The following EXO1 variants were observed in gnomAD, a reference collection of about 807,000 sequenced individuals.
EXO1 encodes the protein exonuclease 1.
EXO1 carries 69 observed loss-of-function variants against 84.5 expected under a neutral mutation model. That is an observed-to-expected ratio of 0.82 (90% CI 0.67 to 1.00). EXO1 has a LOEUF of 1.00. EXO1 is among the 50% of genes least tolerant of loss of function. EXO1 has a pLI of 0.00. For synonymous variants in EXO1, 373 were observed against 366.1 expected (o/e 1.02, Z -0.21); for missense variants, 1,045 against 1,000.7 (o/e 1.04, Z -0.60).
chr1:241,879,242 G>T lies in EXO1; in HGVS notation c.2008G>T (p.Glu670Ter). 1 of 1,599,254 alleles carries T rather than the reference G, an allele frequency of 6.3e-7. No homozygotes were observed. Among genetic ancestry groups the T allele is most frequent in the Non-Finnish European group, 8.5e-7 (1 of 1,173,032 alleles). ...CGATGAGTCTCATCCCTTACGAGAA[G>T]AGGCATGTTCTTCACAGTCCCAGGA... Reference protein sequence around the residue: ...SDDESHPLREEACSSQSQESG... With the variant: ...SDDESHPLRE Residue 670 changes from glutamate to a stop codon, truncating the protein, a stop_gained, in exon 13 of 16, where the codon GAG becomes TAG. Coordinates refer to ENST00000366548, the MANE Select transcript of EXO1 (RefSeq NM_130398.4). LOFTEE classifies it high-confidence loss of function.
chr1:241,885,889 T>C (rs987286353), intron 15 of EXO1, among the ~76,000 whole-genome samples: 1 of 149,258 alleles, frequency 6.7e-6, no homozygotes, highest in Non-Finnish European at 1.5e-5. Context: ...GTTTTGCTCT[T>C]GTTACCCAGG....
chr1:241,873,840 G>T (rs972329223), intron 12 of EXO1, among the ~76,000 whole-genome samples: 19 of 152,146 alleles, frequency 1.2e-4, no homozygotes, highest in African/African-American at 4.3e-4. Flanking sequence ...TCCCTGCCTA[G>T]GTTTAAATGA....
At chr1:241,861,644 G>A in intron 10 of EXO1, 142 bp downstream of exon 10, 2 of 677,702 alleles carry the variant, frequency 3.0e-6, no homozygotes, top group East Asian at 2.7e-5. Context: ...AAAACAACTT[G>A]ATCCTAGAGA....
Position 241,879,282 on chromosome 1 carries a change from C to T in EXO1, c.2048C>T (p.Ser683Leu), listed in dbSNP as rs1210759973. Residue 683 changes from serine to leucine, a missense_variant, in exon 13 of 16, where the codon TCA (serine) becomes TTA (leucine). By Grantham distance (145) the Ser-to-Leu change is moderately radical (BLOSUM62 -2). Transcript: ENST00000366548. Reference sequence around the variant, plus strand: ...CAGTCCCAGGAAAGTGGAGAATTCTCACTGCAGAGTTCAAATGCATCAAAG... The same window carrying T: ...CAGTCCCAGGAAAGTGGAGAATTCTTACTGCAGAGTTCAAATGCATCAAAG... Reference protein sequence around the residue: ...SSQSQESGEFSLQSSNASKLS... With the variant: ...SSQSQESGEFLLQSSNASKLS... The T allele has an allele frequency of 6.2e-7, 1 of 1,603,606 alleles. No individual in the cohort carries two copies. Among genetic ancestry groups the T allele is most frequent in the Non-Finnish European group, 8.5e-7 (1 of 1,176,958 alleles).
Position 241,848,835 on chromosome 1 carries a change from T to C in EXO1, c.-315T>C, listed in dbSNP as rs1660493499. 1 of 152,044 alleles carries C rather than the reference T, an allele frequency of 6.6e-6. No individual in the cohort carries two copies. Among genetic ancestry groups the C allele is most frequent in the African/African-American group, 2.4e-5 (1 of 41,376 alleles). 9.4% of individuals were successfully genotyped at this position (152,044 alleles called of 1,614,324 possible). On this transcript the variant is annotated 5_prime_UTR_variant, in exon 2 of 16. Transcript: ENST00000366548. This position sits in a 1 kb window ranked among gnomAD's most constrained non-coding sequence, Gnocchi z 4.2. ...ATGGTGCTGTTATTGTTACCTCGAG[T>C]GCCACATGCGACCTCTGAGATATGT...
intron 5 of EXO1, among the ~76,000 whole-genome samples, chr1:241,852,769 G>A (rs959541270): frequency 6.6e-6 from 1 of 152,172 alleles, no homozygotes; most frequent in Non-Finnish European, 1.5e-5. Context: ...CAATTCTTGT[G>A]CCTCAGCCTC....
chr1:241,880,631 C>T lies in EXO1; in HGVS notation c.2110-1285C>T, dbSNP rs541913893. 2.7e-4 allele frequency among the ~76,000 whole-genome samples: 41 copies of T among 152,330 alleles called. 2 individuals are homozygous for T. In the South Asian group the frequency reaches 8.5e-3, roughly 32 times the overall value. On this transcript the variant is annotated intron_variant, in intron 13 of 15. Transcript: ENST00000366548. ...TGCTGCCAGATGTAGTAAACTCCTA[C>T]TAGAATAGTTAATTCTCAAAGAATC...
At chr1:241,867,181 A>G (rs4149947) in intron 11 of EXO1, 126 bp downstream of exon 11, 20,693 of 750,948 alleles carry the variant, frequency 0.028, 775 homozygotes, top group African/African-American at 0.14. Context: ...GTATTAGTCC[A>G]TTTTCACCCT....
chr1:241,866,460 TGTG>T (rs1023667778), intron 10 of EXO1, among the ~76,000 whole-genome samples: 2 of 152,194 alleles, frequency 1.3e-5, no homozygotes, highest in African/African-American at 4.8e-5. Flanking sequence ...TTTCTTCAGT[TGTG>T]GTCTTATTTC....
chr1:241,856,568 A>C (rs568000090), intron 6 of EXO1, among the ~76,000 whole-genome samples: 2 of 152,066 alleles, frequency 1.3e-5, no homozygotes, highest in Non-Finnish European at 2.9e-5. Context: ...TTTCCCCCCA[A>C]GACATTGCTG....
intron 7 of EXO1, 100 bp from the exon 8 acceptor site, chr1:241,858,406 A>G (rs1480156922): frequency 1.3e-5 from 10 of 751,656 alleles, no homozygotes; most frequent in Non-Finnish European, 2.1e-5. Flanking sequence ...TTTCAGTGTT[A>G]TGGTGAAGAA....
chr1:241,848,402 G>A lies in EXO1; in HGVS notation c.-420+49G>A, dbSNP rs1220880702. ...GGCTAATGGGTGGGTTCCCTTGGGGGTCGACCTGCGCGTCACCTCCGACCC... is the reference window on the plus strand; with the variant it reads ...GGCTAATGGGTGGGTTCCCTTGGGGATCGACCTGCGCGTCACCTCCGACCC... On this transcript the variant is annotated intron_variant, in intron 1 of 15. Transcript: ENST00000366548. The surrounding 1 kb of genome is among the most constrained non-coding windows in gnomAD (Gnocchi z 4.2). 2 of 152,364 alleles carry A rather than the reference G, an allele frequency of 1.3e-5. No individual in the cohort carries two copies. Among genetic ancestry groups the A allele is most frequent in the Non-Finnish European group, 2.9e-5 (2 of 68,180 alleles). 9.4% of individuals were successfully genotyped at this position (152,364 alleles called of 1,614,324 possible). A position where few individuals can be genotyped will look rare whatever the true frequency, so the allele number is the denominator to read the frequency against.
rs935703698 is a variant in EXO1 at position 241,864,893 on chromosome 1, T to C, written c.1042-1937T>C. On this transcript the variant is annotated intron_variant, in intron 10 of 15. Coordinates refer to ENST00000366548, the MANE Select transcript of EXO1 (RefSeq NM_130398.4). ...TTCTTTCTTTCTTTTTTTTTTTTTT[T>C]AAATTTGAGACAGGGTCTCTTTCTC... Among the ~76,000 whole-genome samples, 7 of 150,608 alleles carry C rather than the reference T, an allele frequency of 4.6e-5. No homozygotes were observed. The South Asian group carries it at 1.5e-3, about 31-fold the overall frequency.
In EXO1 at chr1:241,861,253, C is replaced by T. The variant is rs115989757; in HGVS notation, c.945-153C>T. 7.7e-3 allele frequency among the ~76,000 whole-genome samples: 1,176 copies of T among 152,336 alleles called. 13 individuals are homozygous for T. Among genetic ancestry groups the T allele is most frequent in the African/African-American group, 0.027 (1,133 of 41,570 alleles). On this transcript the variant is annotated intron_variant, in intron 9 of 15. Coordinates refer to ENST00000366548, the MANE Select transcript of EXO1 (RefSeq NM_130398.4). ...GATAGAGACTAGCAAACTGTGTCTG[C>T]TTTCAGTAATGCTGATGTATAAAGT...
chr1:241,854,751 G>T, intron 6 of EXO1: 2 of 157,582 alleles, frequency 1.3e-5, no homozygotes, highest in South Asian at 3.9e-4. Flanking sequence ...TGGCCTCACT[G>T]ACTTCAAGAA....
intron 11 of EXO1, among the ~76,000 whole-genome samples, chr1:241,869,274 GA>G (rs1308346009): frequency 1.3e-5 from 2 of 152,166 alleles, no homozygotes; most frequent in Admixed American, 1.3e-4. Context: ...GTGGTCAGCT[GA>G]TTTTGAACAG....
At chr1:241,864,362 G>A (rs1182760064) in intron 10 of EXO1, among the ~76,000 whole-genome samples, 1 of 152,194 alleles carries the variant, frequency 6.6e-6, no homozygotes. Flanking sequence ...GCCAGGAAAG[G>A]GTAGCATGGT....
rs1662925049 is a variant in EXO1, at chr1:241,884,367, A to G, written c.2212-947A>G. Among the ~76,000 whole-genome samples the G allele has an allele frequency of 2.0e-5, 3 of 152,196 alleles. No individual in the cohort carries two copies. The South Asian group carries it at 6.2e-4, about 31-fold the overall frequency. ...ATTCATATTGTAAACCTTTTTTAAT[A>G]TACCTCATTCTTACTATCTTAAGAA... On this transcript the variant is annotated intron_variant, in intron 14 of 15. Coordinates refer to ENST00000366548, the MANE Select transcript of EXO1 (RefSeq NM_130398.4).
chr1:241,871,929 T>TTTTA, intron 11 of EXO1, 103 bp from the exon 12 acceptor site: 1 of 759,272 alleles, frequency 1.3e-6, no homozygotes, highest in South Asian at 1.9e-5. Context: ...TTTTTTTTTT[T>TTTTA]AAAGTCCTTA....
Sources: allele counts gnomAD v4.1 joint callset (sites outside exome capture counted in the v4.1 genomes callset), GRCh38; gene constraint gnomAD v4.1.1; non-coding constraint Gnocchi (gnomAD v3.1); transcripts MANE v1.5; gene names NCBI Gene and HGNC (gene_info 2026-07-23, HGNC 2026-07-21).